CEACAM18: variants seen among roughly 807,000 people sequenced by gnomAD.
The protein encoded by CEACAM18 is CEA cell adhesion molecule 18, also known as cell adhesion molecule CEACAM18.
A neutral mutation model predicts 34.3 loss-of-function variants in CEACAM18; 33 were observed. That is an observed-to-expected ratio of 0.96 (90% CI 0.73 to 1.29). The LOEUF (loss-of-function observed/expected upper bound fraction) is 1.29. CEACAM18 is among the 50% of genes most tolerant of loss of function. CEACAM18 has a pLI of 0.00. For synonymous variants in CEACAM18, 169 were observed against 180.9 expected, an observed-to-expected ratio of 0.93 and a Z score of 0.53; for missense variants, 474 against 485.0, an observed-to-expected ratio of 0.98 and a Z score of 0.21.
chr19:51,484,632 T>C (rs1404752803), intron 4 of CEACAM18, among the ~76,000 whole-genome samples: 1 of 152,248 alleles, frequency 6.6e-6, no homozygotes, highest in African/African-American at 2.4e-5. Flanking sequence ...ACATAGTTGG[T>C]GCTCAGTGAA....
intron 3 of CEACAM18, among the ~76,000 whole-genome samples, chr19:51,481,867 A>C (rs191805751): frequency 2.8e-4 from 43 of 152,182 alleles, no homozygotes; most frequent in Admixed American, 2.8e-3. Flanking sequence ...AACGTGGTAC[A>C]CTCGAGTTTG....
chr19:51,485,181 C>G, intron 5 of CEACAM18, 59 bp downstream of exon 5: 2 of 1,430,944 alleles, frequency 1.4e-6, no homozygotes, highest in Non-Finnish European at 1.8e-6. Context: ...GACTCAGGAG[C>G]CAGCCCTCCC....
In CEACAM18 at chr19:51,480,412, G is replaced by A. The variant is rs551026819; in HGVS notation, c.132G>A (p.Arg44=). 338 of 1,613,254 alleles carry A rather than the reference G, an allele frequency of 2.1e-4. 3 individuals carry two copies. In the South Asian group the frequency reaches 2.5e-3, roughly 12 times the overall value. ...AAACCCTGGGGATCAAGGGATATCG[G>A]ACTGTCGTGGCCCTGGATAAGGTCC... is the stretch of plus-strand genomic sequence containing the variant. The change falls in exon 2 of 6, where the codon CGG becomes CGA. Residue 44 remains arginine (R), a synonymous_variant. Transcript: ENST00000396477.
chr19:51,490,861 T>C (rs1443194833), exon 6 of CEACAM18: 3 of 382,612 alleles, frequency 7.8e-6, no homozygotes, highest in Non-Finnish European at 1.4e-5. Flanking sequence ...GCGCTTCATC[T>C]GCCAATCAGA....
rs1486209862 is a variant in CEACAM18 at position 51,483,190 on chromosome 19, C to T, written c.847C>T (p.Leu283Phe). Residue 283 changes from leucine to phenylalanine, a missense_variant, in exon 4 of 6, where the codon CTC becomes TTC. Physicochemically the swap from Leu to Phe is conservative, Grantham distance 22. Transcript: ENST00000396477. Reference sequence around the variant, plus strand: ...GAACTTCTCAGATGCAAAGATGAACCTCTCGAGTCTTGCCTGGGAGCAGAT... The same window carrying T: ...GAACTTCTCAGATGCAAAGATGAACTTCTCGAGTCTTGCCTGGGAGCAGAT... The T allele has an allele frequency of 2.5e-6, 4 of 1,613,892 alleles. No homozygotes were observed. The African/African-American group carries it at 5.3e-5, about 22-fold the overall frequency.
chr19:51,482,265 C>T (rs1292448537), intron 3 of CEACAM18, among the ~76,000 whole-genome samples: 1 of 152,144 alleles, frequency 6.6e-6, no homozygotes, highest in Non-Finnish European at 1.5e-5. Flanking sequence ...ATCGAATACG[C>T]TGAACTTATA....
intron 2 of CEACAM18, among the ~76,000 whole-genome samples, 168 bp from the exon 3 acceptor site, chr19:51,481,225 T>C (rs1205371912): frequency 6.6e-6 from 1 of 152,180 alleles, no homozygotes; most frequent in African/African-American, 2.4e-5. Context: ...GCAGCCTCAT[T>C]GCCCTGTGCC....
chr19:51,485,040 T>C (rs1363698270), exon 5 of CEACAM18: 5 of 1,535,904 alleles, frequency 3.3e-6, no homozygotes, highest in African/African-American at 1.4e-5. Context: ...CATGGTGATG[T>C]TCCTCATCAT....
chr19:51,479,414 C>T (rs563779126), intron 1 of CEACAM18, among the ~76,000 whole-genome samples: 1 of 152,350 alleles, frequency 6.6e-6, no homozygotes, highest in Admixed American at 6.5e-5. Context: ...GAGTATTTCT[C>T]ACCCAGACAA....
exon 4 of CEACAM18, chr19:51,483,094 G>C (rs1259997926): frequency 6.2e-7 from 1 of 1,614,060 alleles, no homozygotes; most frequent in East Asian, 2.2e-5. Context: ...CGGCTCCCAA[G>C]TGGAAATGGA....
chr19:51,489,980 G>A (rs995903953), intron 5 of CEACAM18, among the ~76,000 whole-genome samples: 4 of 152,026 alleles, frequency 2.6e-5, no homozygotes, highest in Non-Finnish European at 4.4e-5. Flanking sequence ...CCACCTCCAC[G>A]CCACTGTCCC....
At chr19:51,490,565 C>A in intron 5 of CEACAM18, 22 bp from the exon 6 acceptor site, 1 of 1,232,232 alleles carries the variant, frequency 8.1e-7, no homozygotes, top group Non-Finnish European at 1.0e-6. Flanking sequence ...GATGTGGCTT[C>A]TTCCCTGATT....
chr19:51,483,044 G>A lies in CEACAM18; in HGVS notation c.701G>A (p.Ser234Asn). 1.9e-6 allele frequency: 3 copies of A among 1,614,000 alleles called. No individual in the cohort carries two copies. The South Asian group carries it at 3.3e-5, about 18-fold the overall frequency. The change falls in exon 4 of 6, where the codon AGC (serine) becomes AAC (asparagine). Residue 234 changes from serine (S) to asparagine (N), a missense_variant. Transcript: ENST00000396477. The stretch of plus-strand genomic sequence containing the variant: ...GGGCCCGACTATGTGCTGCTGAGGA[G>A]CAATCCTGATGATTTCAACGGCATT...
chr19:51,480,439 T>C lies in CEACAM18; in HGVS notation c.159T>C (p.Pro53=), dbSNP rs1989891034. ...CTGTCGTGGCCCTGGATAAGGTCCCTGAGGATGTTCAGGAATACAGCTGGT... is the reference window on the plus strand; with the variant it reads ...CTGTCGTGGCCCTGGATAAGGTCCCCGAGGATGTTCAGGAATACAGCTGGT... The change falls in exon 2 of 6, where the codon CCT becomes CCC. Residue 53 remains proline, a synonymous_variant. Transcript: ENST00000396477. The C allele has an allele frequency of 2.5e-6, 4 of 1,613,570 alleles. No individual in the cohort carries two copies. In the African/African-American group the frequency reaches 4.0e-5, roughly 16 times the overall value.
exon 2 of CEACAM18, chr19:51,480,514 G>A (rs762385365): frequency 3.1e-6 from 5 of 1,613,792 alleles, no homozygotes; most frequent in African/African-American, 1.3e-5. Context: ...GCCACAAACC[G>A]CCCAGTGCCC....
exon 6 of CEACAM18, chr19:51,490,749 C>G: frequency 1.6e-6 from 1 of 613,930 alleles, no homozygotes; most frequent in South Asian, 8.5e-5. Flanking sequence ...AGAGAGGGAC[C>G]CAGCCCAGTC....
At chr19:51,487,012 G>A (rs1381407357) in intron 5 of CEACAM18, among the ~76,000 whole-genome samples, 31 of 151,510 alleles carry the variant, frequency 2.0e-4, no homozygotes, top group Admixed American at 1.7e-3. Context: ...ATAAGCCACC[G>A]CGCCTGGCCT....
intron 1 of CEACAM18, among the ~76,000 whole-genome samples, chr19:51,478,970 G>A (rs1019201737): frequency 1.9e-4 from 28 of 150,628 alleles, no homozygotes; most frequent in Non-Finnish European, 2.7e-4. Flanking sequence ...ACACACACGC[G>A]CGCACACACA....
intron 3 of CEACAM18, among the ~76,000 whole-genome samples, chr19:51,482,168 C>CT (rs149065920): frequency 6.3e-4 from 95 of 149,664 alleles, no homozygotes; most frequent in Middle Eastern, 3.4e-3. Context: ...TCCATACATT[C>CT]TTTTTTTTTT....
Sources: gnomAD v4.1 joint callset for allele counts (sites outside exome capture counted in the v4.1 genomes callset) on GRCh38, gnomAD v4.1.1 for gene constraint, MANE v1.5 for transcripts, NCBI Gene and HGNC (gene_info 2026-07-23, HGNC 2026-07-21) for gene names.